ADAMTS17: variants seen among roughly 807,000 people sequenced by gnomAD.
ADAMTS17 encodes the protein ADAM metallopeptidase with thrombospondin type 1 motif 17.
In ADAMTS17, 113 loss-of-function variants were observed where a neutral mutation model predicts 141.5. That is an observed-to-expected ratio of 0.80 (90% CI 0.69 to 0.93). The LOEUF (loss-of-function observed/expected upper bound fraction) is 0.93. Ranked by LOEUF, ADAMTS17 falls within the 40% of genes least tolerant of loss-of-function variation. ADAMTS17 has a pLI of 0.00. For synonymous variants in ADAMTS17, 768 were observed against 630.6 expected (o/e 1.22, Z -3.27); for missense variants, 1,659 against 1,517.9 (o/e 1.09, Z -1.54).
chr15:100,010,077 G>A (rs2061130707), intron 18 of ADAMTS17, among the ~76,000 whole-genome samples: 1 of 152,186 alleles, frequency 6.6e-6, no homozygotes, highest in Non-Finnish European at 1.5e-5. Flanking sequence ...TTTTATAAAG[G>A]GCAGTTCCCC....
chr15:100,288,115 C>G (rs1279177214), intron 3 of ADAMTS17, among the ~76,000 whole-genome samples: 1 of 152,314 alleles, frequency 6.6e-6, no homozygotes, highest in East Asian at 1.9e-4. Context: ...TCAAGAGACC[C>G]ATCTCACATG....
chr15:100,183,070 C>T (rs1030121527), intron 8 of ADAMTS17, among the ~76,000 whole-genome samples: 2 of 152,164 alleles, frequency 1.3e-5, no homozygotes, highest in Non-Finnish European at 2.9e-5. Context: ...CTCACTGCAA[C>T]TTCCACCTCC....
intron 20 of ADAMTS17, among the ~76,000 whole-genome samples, chr15:99,990,447 G>A (rs370552136): frequency 1.3e-4 from 20 of 151,712 alleles, no homozygotes; most frequent in African/African-American, 3.2e-4. Flanking sequence ...ACTGTGTGAC[G>A]TCCCTGTTTG....
At chr15:100,295,020 T>C (rs1038903611) in intron 3 of ADAMTS17, among the ~76,000 whole-genome samples, 5 of 152,150 alleles carry the variant, frequency 3.3e-5, no homozygotes, top group African/African-American at 1.2e-4. Context: ...GCCACACCAG[T>C]GCTTTCTCAG....
chr15:100,065,521 G>A (rs1014003786), intron 15 of ADAMTS17, among the ~76,000 whole-genome samples: 2 of 151,990 alleles, frequency 1.3e-5, no homozygotes, highest in Non-Finnish European at 2.9e-5. Context: ...TAGTCTTTAT[G>A]CCTTTAGTTT....
At chr15:100,016,666 G>A (rs138900192) in intron 18 of ADAMTS17, among the ~76,000 whole-genome samples, 192 of 152,262 alleles carry the variant, frequency 1.3e-3, no homozygotes, top group African/African-American at 3.5e-3. Flanking sequence ...AAGTCTACCC[G>A]GCTCCAGGAT....
chr15:100,246,385 A>G (rs778770554), intron 7 of ADAMTS17, among the ~76,000 whole-genome samples: 1 of 152,236 alleles, frequency 6.6e-6, no homozygotes, highest in Non-Finnish European at 1.5e-5. Flanking sequence ...GCTAGATGTA[A>G]GCATACTTGA....
intron 18 of ADAMTS17, among the ~76,000 whole-genome samples, chr15:100,020,076 T>G (rs984745836): frequency 2.7e-4 from 41 of 151,600 alleles, no homozygotes; most frequent in Non-Finnish European, 4.3e-4. Flanking sequence ...CCATCAGAAA[T>G]AAACACCAAA....
intron 18 of ADAMTS17, among the ~76,000 whole-genome samples, chr15:100,028,957 A>G (rs538182981): frequency 1.3e-5 from 2 of 152,340 alleles, no homozygotes; most frequent in East Asian, 3.9e-4. Flanking sequence ...AACCACAAAA[A>G]GTTATCTTTG....
chr15:100,043,233 G>T (rs370552166), intron 18 of ADAMTS17, among the ~76,000 whole-genome samples: 83 of 152,252 alleles, frequency 5.5e-4, no homozygotes, highest in African/African-American at 2.0e-3. Flanking sequence ...AGTCTCTAAG[G>T]CAGATCTTAG....
At chr15:100,220,276 C>T (rs575157541) in intron 7 of ADAMTS17, among the ~76,000 whole-genome samples, 5 of 152,270 alleles carry the variant, frequency 3.3e-5, no homozygotes, top group South Asian at 2.1e-4. Context: ...ATGTCACCAG[C>T]GCCTCCTGTG....
intron 14 of ADAMTS17, among the ~76,000 whole-genome samples, chr15:100,103,666 C>T (rs1189687615): frequency 6.6e-6 from 1 of 152,062 alleles, no homozygotes; most frequent in Non-Finnish European, 1.5e-5. Context: ...GCAACCTCCA[C>T]TGCCCGGGTT....
intron 12 of ADAMTS17, among the ~76,000 whole-genome samples, chr15:100,118,736 G>T (rs1001615411): frequency 2.0e-5 from 3 of 152,128 alleles, no homozygotes; most frequent in African/African-American, 7.2e-5. Flanking sequence ...CAGAAGGGCT[G>T]GCCCCCAAAA....
chr15:99,981,910 C>T (rs2060488709), intron 20 of ADAMTS17, among the ~76,000 whole-genome samples: 1 of 152,152 alleles, frequency 6.6e-6, no homozygotes, highest in African/African-American at 2.4e-5. Context: ...GCCTAAAATC[C>T]ACAGGTAATA....
intron 4 of ADAMTS17, among the ~76,000 whole-genome samples, chr15:100,268,722 G>A (rs1170028593): frequency 6.6e-6 from 1 of 152,154 alleles, no homozygotes; most frequent in Admixed American, 6.5e-5. Context: ...CTCCCATCCT[G>A]TAGCTTGTAT....
At chr15:100,164,919 G>A (rs2039887433) in intron 8 of ADAMTS17, among the ~76,000 whole-genome samples, 1 of 152,108 alleles carries the variant, frequency 6.6e-6, no homozygotes, top group Non-Finnish European at 1.5e-5. Context: ...AATCACTAAT[G>A]ACCACTCATC....
At chr15:100,106,197 G>A (rs2036405328) in intron 14 of ADAMTS17, among the ~76,000 whole-genome samples, 1 of 152,136 alleles carries the variant, frequency 6.6e-6, no homozygotes, top group South Asian at 2.1e-4. Context: ...GACACAGAGT[G>A]GCAGCAGTCT....
intron 8 of ADAMTS17, among the ~76,000 whole-genome samples, chr15:100,181,736 G>T (rs1251217989): frequency 6.6e-6 from 1 of 152,250 alleles, no homozygotes; most frequent in Non-Finnish European, 1.5e-5. Flanking sequence ...TCCTGAAGGA[G>T]GAGGAAGGAG....
chr15:100,132,593 A>G (rs2038109153), intron 11 of ADAMTS17, among the ~76,000 whole-genome samples: 2 of 152,228 alleles, frequency 1.3e-5, no homozygotes, highest in South Asian at 4.1e-4. Context: ...GTTCTTTCTG[A>G]GGATAACTCA....
Sources: gnomAD v4.1 joint callset for allele counts (sites outside exome capture counted in the v4.1 genomes callset) on GRCh38, gnomAD v4.1.1 for gene constraint, MANE v1.5 for transcripts, NCBI Gene and HGNC (gene_info 2026-07-23, HGNC 2026-07-21) for gene names.